The following SESTD1 variants were observed in gnomAD, a reference collection of about 807,000 sequenced individuals.
The protein encoded by SESTD1 is SEC14 and spectrin domain containing 1.
A neutral mutation model predicts 101.7 loss-of-function variants in SESTD1; 43 were observed. That is an observed-to-expected ratio of 0.42 (90% confidence interval 0.33 to 0.55). SESTD1 has a LOEUF of 0.55. SESTD1 is among the 20% of genes least tolerant of loss of function. SESTD1 has a pLI of 0.07. For missense variants in SESTD1, 647 were observed against 815.1 expected, an observed-to-expected ratio of 0.79 and a Z score of 2.51; for synonymous variants, 283 against 286.8, an observed-to-expected ratio of 0.99 and a Z score of 0.13.
chr2:179,224,241 C>A (rs10208593), intron 1 of SESTD1, among the ~76,000 whole-genome samples: 27,395 of 152,016 alleles, frequency 0.18, 2,695 homozygotes, highest in African/African-American at 0.25. Flanking sequence ...CGATCCTAAT[C>A]GCTTTCTGTG....
intron 10 of SESTD1, among the ~76,000 whole-genome samples, chr2:179,129,110 T>G (rs1192264801): frequency 6.6e-6 from 1 of 152,188 alleles, no homozygotes; most frequent in Admixed American, 6.5e-5. Context: ...GACTACACAT[T>G]AGGAGAAATG....
intron 12 of SESTD1, 36 bp downstream of exon 12, chr2:179,123,679 A>AC (rs776358166): frequency 1.6e-5 from 24 of 1,478,186 alleles, no homozygotes; most frequent in Middle Eastern, 1.8e-4. Flanking sequence ...AAAAAAAAAA[A>AC]AACCTTATGT....
At chr2:179,122,280 T>TTATGCTG (rs1426489032) in intron 12 of SESTD1, among the ~76,000 whole-genome samples, 2 of 152,168 alleles carry the variant, frequency 1.3e-5, no homozygotes, top group Non-Finnish European at 2.9e-5. Context: ...CTTCCTGCTT[T>TTATGCTG]TATGCTGTCC....
rs552115686 is a variant in SESTD1, at chr2:179,148,964, G to A, written c.581+333C>T. 7.3e-5 allele frequency among the ~76,000 whole-genome samples: 11 copies of A among 150,046 alleles called. No individual in the cohort carries two copies. The East Asian group carries it at 2.2e-3, about 30-fold the overall frequency. The stretch of plus-strand genomic sequence containing the variant: ...AGTCCCAGCTACTGGAGATGCTGAG[G>A]CAGGAGAATGGCGGGAACCCAGGAG... On this transcript the variant is annotated intron_variant, in intron 7 of 17. Transcript: ENST00000428443.
At chr2:179,111,719 CT>C (rs572503441) in intron 17 of SESTD1, among the ~76,000 whole-genome samples, 363 of 135,322 alleles carry the variant, frequency 2.7e-3, no homozygotes, top group African/African-American at 4.9e-3. Flanking sequence ...CCTCCTGATT[CT>C]TTTTTTTTTT....
intron 1 of SESTD1, among the ~76,000 whole-genome samples, chr2:179,253,683 T>A (rs6719921): frequency 6.6e-6 from 1 of 152,148 alleles, no homozygotes; most frequent in African/African-American, 2.4e-5. Flanking sequence ...ATCATATGCA[T>A]ATATATAAAA....
intron 5 of SESTD1, among the ~76,000 whole-genome samples, chr2:179,163,656 A>G (rs2045783043): frequency 6.6e-6 from 1 of 151,802 alleles, no homozygotes; most frequent in Admixed American, 6.6e-5. Context: ...TACAAAACAT[A>G]AAGTTTTAAA....
intron 1 of SESTD1, among the ~76,000 whole-genome samples, chr2:179,199,239 C>T (rs988260143): frequency 2.0e-5 from 3 of 151,960 alleles, no homozygotes; most frequent in African/African-American, 7.3e-5. Context: ...CATACACTCT[C>T]CCAAGACTAA....
intron 10 of SESTD1, among the ~76,000 whole-genome samples, chr2:179,131,653 T>C (rs1291942806): frequency 6.6e-6 from 1 of 152,192 alleles, no homozygotes; most frequent in Non-Finnish European, 1.5e-5. Flanking sequence ...TAATGAAGAA[T>C]TAACTGTAAC....
In SESTD1 at chr2:179,117,592, C is replaced by T; in HGVS notation, c.1464G>A (p.Val488=). 6.3e-7 allele frequency: 1 copy of T among 1,581,110 alleles called. No individual in the cohort carries two copies. Among genetic ancestry groups the T allele is most frequent in the Non-Finnish European group, 8.6e-7 (1 of 1,169,368 alleles). Residue 488 remains valine (V), a synonymous_variant, in exon 14 of 18, where the codon GTG becomes GTA. Transcript: ENST00000428443. ...RKQRCEDMVD[V]RRLKMLQMVQ... is the part of the protein sequence containing the mutation. ...CCATCTGAAGCATCTTTAACCTTCGCACATCTACCATGTCTTCACATCTAA... is the reference window on the plus strand; with the variant it reads ...CCATCTGAAGCATCTTTAACCTTCGTACATCTACCATGTCTTCACATCTAA...
chr2:179,259,270 C>T (rs942348257), intron 1 of SESTD1, among the ~76,000 whole-genome samples: 1 of 151,978 alleles, frequency 6.6e-6, no homozygotes, highest in Non-Finnish European at 1.5e-5. Context: ...CTCACTCTGT[C>T]GCCCAGGCTG....
intron 16 of SESTD1, among the ~76,000 whole-genome samples, chr2:179,113,763 C>T (rs2044564943): frequency 6.6e-6 from 1 of 151,406 alleles, no homozygotes; most frequent in South Asian, 2.1e-4. Context: ...TAACAAAGGG[C>T]TTTACTTAGG....
intron 1 of SESTD1, among the ~76,000 whole-genome samples, chr2:179,230,034 T>C (rs1471816608): frequency 6.9e-6 from 1 of 144,856 alleles, no homozygotes; most frequent in Non-Finnish European, 1.5e-5. Context: ...TTAGGACAAT[T>C]AAGCTAATGA....
At chr2:179,222,637 T>A (rs888899712) in intron 1 of SESTD1, among the ~76,000 whole-genome samples, 3 of 152,192 alleles carry the variant, frequency 2.0e-5, no homozygotes, top group Non-Finnish European at 2.9e-5. Context: ...ATTCTATTAA[T>A]AACCCAATGT....
Position 179,203,951 on chromosome 2 carries a change from T to C in SESTD1, c.-25-12085A>G, listed in dbSNP as rs1013172621. 5.9e-5 allele frequency among the ~76,000 whole-genome samples: 8 copies of C among 134,704 alleles called. 1 individual carries two copies. Among genetic ancestry groups the C allele is most frequent in the Non-Finnish European group, 6.4e-5 (4 of 62,624 alleles). 88.4% of individuals were successfully genotyped at this position (134,704 alleles called of 152,430 possible). On this transcript the variant is annotated intron_variant, in intron 1 of 17. Coordinates refer to ENST00000428443, the MANE Select transcript of SESTD1 (RefSeq NM_178123.5). ...ATAAAGTGAGGACAGTCTTGTGGGA[T>C]TGAGCCCTTAAACCCTGGATCTGAT...
At chr2:179,263,399 T>G (rs545512298) in intron 1 of SESTD1, among the ~76,000 whole-genome samples, 8 of 152,290 alleles carry the variant, frequency 5.3e-5, no homozygotes, top group African/African-American at 1.9e-4. Context: ...ATTCTCACAT[T>G]AATAAGATTT....
At chr2:179,147,707 C>T (rs2045427260) in intron 7 of SESTD1, among the ~76,000 whole-genome samples, 1 of 152,150 alleles carries the variant, frequency 6.6e-6, no homozygotes, top group African/African-American at 2.4e-5. Flanking sequence ...TTCTTTGCTG[C>T]ACTGCTTCTT....
At chr2:179,163,023 T>C (rs1426373105) in intron 5 of SESTD1, among the ~76,000 whole-genome samples, 1 of 151,754 alleles carries the variant, frequency 6.6e-6, no homozygotes, top group East Asian at 1.9e-4. Context: ...GGCAAATAAT[T>C]GTTGTCTAAC....
chr2:179,232,866 C>CTAATCAGGA (rs1192461362), intron 1 of SESTD1, among the ~76,000 whole-genome samples: 2 of 152,098 alleles, frequency 1.3e-5, no homozygotes, highest in African/African-American at 4.8e-5. Flanking sequence ...ACATGAGAAA[C>CTAATCAGGA]TAATCAGGAT....
Sources: allele counts gnomAD v4.1 joint callset (sites outside exome capture counted in the v4.1 genomes callset), GRCh38; gene constraint gnomAD v4.1.1; transcripts MANE v1.5; gene names NCBI Gene and HGNC (gene_info 2026-07-23, HGNC 2026-07-21).